DIAPH1: variants seen among roughly 807,000 people sequenced by gnomAD.
DIAPH1 encodes the protein diaphanous related formin 1.
In DIAPH1, 46 loss-of-function variants were observed where a neutral mutation model predicts 140.7. That is an observed-to-expected ratio of 0.33 (90% confidence interval 0.26 to 0.42). The LOEUF (loss-of-function observed/expected upper bound fraction) is 0.42, where lower values mean the gene tolerates loss of function less well. DIAPH1 is among the 10% of genes least tolerant of loss of function. The pLI is 1.00. For synonymous variants in DIAPH1, 565 were observed against 551.6 expected, an observed-to-expected ratio of 1.02 and a Z score of -0.34; for missense variants, 1,310 against 1,558.7, an observed-to-expected ratio of 0.84 and a Z score of 2.69.
chr5:141,515,785 C>T lies in DIAPH1; in HGVS notation c.*1066G>A, dbSNP rs2099885587. 6.6e-6 allele frequency: 1 copy of T among 152,178 alleles called. No individual in the cohort carries two copies. Among genetic ancestry groups the T allele is most frequent in the Non-Finnish European group, 1.5e-5 (1 of 68,046 alleles). 9.4% of individuals were successfully genotyped at this position (152,178 alleles called of 1,614,324 possible). ...TGGGAGAGAGGATCTGCCTTGGACT[C>T]AAGGGTCCAGAAGGTCCAGGGGCAC... On this transcript the variant is annotated 3_prime_UTR_variant, in exon 28 of 28. Transcript: ENST00000389054.
At chr5:141,598,866 G>T (rs746280583) in intron 1 of DIAPH1, among the ~76,000 whole-genome samples, 8 of 152,180 alleles carry the variant, frequency 5.3e-5, no homozygotes, top group Admixed American at 6.5e-5. Flanking sequence ...GGTGGTGGTT[G>T]TGTGTATTAA....
chr5:141,528,602 C>CT lies in DIAPH1; in HGVS notation c.3019-21dup, dbSNP rs1349873574. The CT allele has an allele frequency of 6.2e-7, 1 of 1,614,088 alleles. No homozygotes were observed. The highest frequency in any genetic ancestry group is 1.3e-5 in the African/African-American group (1 of 74,926). ...TCGAAGCTTAGAGAAAGAGGAGAAA[C>CT]TGTTAAATCCTGACATGTCCAAGAT... On this transcript the variant is annotated intron_variant, in intron 22 of 27. Coordinates refer to ENST00000389054, the MANE Select transcript of DIAPH1 (RefSeq NM_005219.5).
At chr5:141,517,158 C>T (rs1200571723) in intron 27 of DIAPH1, 150 bp from the exon 28 acceptor site, 1 of 850,786 alleles carries the variant, frequency 1.2e-6, no homozygotes, top group African/African-American at 1.7e-5. Flanking sequence ...GGGCAGAGAT[C>T]CAGCATGTGG....
intron 18 of DIAPH1, among the ~76,000 whole-genome samples, chr5:141,537,551 A>T (rs1224252809): frequency 6.6e-6 from 1 of 151,674 alleles, no homozygotes; most frequent in African/African-American, 2.4e-5. Flanking sequence ...GACTATATAT[A>T]GCAATTCAAG....
intron 15 of DIAPH1, among the ~76,000 whole-genome samples, chr5:141,574,632 G>A (rs576720552): frequency 2.1e-4 from 32 of 152,268 alleles, no homozygotes; most frequent in African/African-American, 7.7e-4. Flanking sequence ...ATAAATCTGT[G>A]CAGAGGTGAC....
chr5:141,519,693 A>G (rs1235371972), intron 27 of DIAPH1, among the ~76,000 whole-genome samples: 1 of 152,204 alleles, frequency 6.6e-6, no homozygotes, highest in Non-Finnish European at 1.5e-5. Flanking sequence ...TTAAGCCTTG[A>G]AAGCCTATAC....
At chr5:141,597,175 T>TAA (rs1468472448) in intron 1 of DIAPH1, among the ~76,000 whole-genome samples, 1 of 152,184 alleles carries the variant, frequency 6.6e-6, no homozygotes, top group Non-Finnish European at 1.5e-5. Flanking sequence ...GATAAGTCTC[T>TAA]AGCACAAAGG....
At chr5:141,611,160 G>A (rs2099901784) in intron 1 of DIAPH1, among the ~76,000 whole-genome samples, 1 of 152,092 alleles carries the variant, frequency 6.6e-6, no homozygotes, top group Admixed American at 6.6e-5. Context: ...GTACTGGGGA[G>A]GCTGAGCCCA....
chr5:141,538,038 T>C (rs2099889325), intron 18 of DIAPH1, among the ~76,000 whole-genome samples: 1 of 149,632 alleles, frequency 6.7e-6, no homozygotes, highest in Non-Finnish European at 1.5e-5. Context: ...ACTACAGGCA[T>C]GAGCCACCAT....
intron 18 of DIAPH1, among the ~76,000 whole-genome samples, chr5:141,536,400 C>T (rs1186447955): frequency 6.6e-6 from 1 of 152,024 alleles, no homozygotes; most frequent in East Asian, 1.9e-4. Flanking sequence ...TTATTGAGTA[C>T]CTATATGTGC....
intron 1 of DIAPH1, among the ~76,000 whole-genome samples, chr5:141,618,206 G>T (rs961483884): frequency 6.6e-6 from 1 of 152,298 alleles, no homozygotes; most frequent in East Asian, 1.9e-4. Flanking sequence ...TCCTGTAATC[G>T]CAAGGACAAA....
chr5:141,537,177 G>A (rs781096431), intron 18 of DIAPH1, among the ~76,000 whole-genome samples: 15 of 151,744 alleles, frequency 9.9e-5, no homozygotes, highest in East Asian at 1.9e-4. Context: ...TCCAAAAAAC[G>A]AAAATCATAT....
At chr5:141,546,487 C>A (rs1240926900) in intron 18 of DIAPH1, among the ~76,000 whole-genome samples, 4 of 151,822 alleles carry the variant, frequency 2.6e-5, no homozygotes, top group African/African-American at 9.7e-5. Context: ...GAAACCCCGT[C>A]TCTACTAAAA....
intron 18 of DIAPH1, among the ~76,000 whole-genome samples, chr5:141,551,577 T>G (rs538192276): frequency 6.6e-6 from 1 of 152,214 alleles, no homozygotes; most frequent in Admixed American, 6.5e-5. Flanking sequence ...AACAGTTGAT[T>G]TGGAATGTGG....
At position 141,538,289 on chromosome 5, in the gene DIAPH1, T is replaced by C. The variant is rs561610979; in HGVS notation, c.2483-3856A>G. Among the ~76,000 whole-genome samples, 122 of 152,242 alleles carry C rather than the reference T, an allele frequency of 8.0e-4. 2 individuals carry two copies. Among genetic ancestry groups the C allele is most frequent in the African/African-American group, 2.8e-3 (117 of 41,560 alleles). ...GTTAGCCAGGATGGTATCAATCTCC[T>C]GACCTCGTGATCTGCCCGCCTCGGC... On this transcript the variant is annotated intron_variant, in intron 18 of 27. Transcript: ENST00000389054.
Position 141,618,825 on chromosome 5 carries a change from G to C in DIAPH1, c.90C>G (p.Gly30=), listed in dbSNP as rs1355319732. 22 of 1,545,428 alleles carry C rather than the reference G, an allele frequency of 1.4e-5. No homozygotes were observed. Among genetic ancestry groups the C allele is most frequent in the Non-Finnish European group, 1.8e-5 (21 of 1,145,274 alleles). ...ATTTCTTAGATTTGCCGCCGTCGCCGCCCGCCGAGGGCAGCTCATCTGGGC... is the reference window on the plus strand; with the variant it reads ...ATTTCTTAGATTTGCCGCCGTCGCCCCCCGCCGAGGGCAGCTCATCTGGGC... ...GRSPDELPSA[G]GDGGKSKKFT... The change falls in exon 1 of 28, where the codon GGC becomes GGG. Residue 30 remains glycine (G), a synonymous_variant. Coordinates refer to ENST00000389054, the MANE Select transcript of DIAPH1 (RefSeq NM_005219.5).
chr5:141,551,078 GTAGAT>G (rs1393551947), intron 18 of DIAPH1, among the ~76,000 whole-genome samples: 2 of 152,170 alleles, frequency 1.3e-5, no homozygotes, highest in Non-Finnish European at 2.9e-5. Flanking sequence ...AAGAAAGTCG[GTAGAT>G]TAAATAACAG....
intron 1 of DIAPH1, among the ~76,000 whole-genome samples, chr5:141,616,066 G>A (rs1479048309): frequency 6.6e-6 from 1 of 152,240 alleles, no homozygotes; most frequent in Non-Finnish European, 1.5e-5. Flanking sequence ...TCATGGCCCA[G>A]GAGAAGACAG....
intron 27 of DIAPH1, among the ~76,000 whole-genome samples, chr5:141,519,699 T>TTA (rs2099886220): frequency 6.6e-6 from 1 of 152,194 alleles, no homozygotes; most frequent in Admixed American, 6.5e-5. Flanking sequence ...CTTGAAAGCC[T>TTA]ATACACCAGG....
Sources: gnomAD v4.1 joint callset for allele counts (sites outside exome capture counted in the v4.1 genomes callset) on GRCh38, gnomAD v4.1.1 for gene constraint, MANE v1.5 for transcripts, NCBI Gene and HGNC (gene_info 2026-07-23, HGNC 2026-07-21) for gene names.